The following IMPG1 variants were observed in gnomAD, a reference collection of about 807,000 sequenced individuals.
IMPG1 encodes interphotoreceptor matrix proteoglycan of 150 kDa.
In IMPG1, 85 loss-of-function variants were observed where a neutral mutation model predicts 92.0. The ratio of observed to expected loss-of-function variants is 0.92; its 90% CI spans 0.78 to 1.11. The LOEUF is 1.11. Ranked by LOEUF, IMPG1 falls within the 50% of genes least tolerant of loss-of-function variation. The probability of loss-of-function intolerance (pLI) is 0.00; values close to 1 mark genes in which losing one functional copy is unlikely to be tolerated. For synonymous variants in IMPG1, 367 were observed against 334.1 expected (o/e 1.10, Z -1.08); for missense variants, 1,022 against 956.0 (o/e 1.07, Z -0.91).
At chr6:75,934,659 T>G (rs1044819202) in intron 14 of IMPG1, among the ~76,000 whole-genome samples, 5 of 152,164 alleles carry the variant, frequency 3.3e-5, no homozygotes, top group Non-Finnish European at 7.3e-5. Flanking sequence ...GACTGCCTCT[T>G]TTTCAAGCCT....
chr6:75,952,789 T>A (rs1582063634), intron 12 of IMPG1, among the ~76,000 whole-genome samples: 1 of 152,086 alleles, frequency 6.6e-6, no homozygotes, highest in East Asian at 1.9e-4. Flanking sequence ...AGAGAGATGA[T>A]CTCTCTTTCT....
chr6:75,955,617 C>A (rs1782106286), intron 12 of IMPG1, among the ~76,000 whole-genome samples: 1 of 152,126 alleles, frequency 6.6e-6, no homozygotes, highest in African/African-American at 2.4e-5. Context: ...ATTGCCCTGG[C>A]CAGAACTTCC....
chr6:75,999,221 A>G (rs1782947107), intron 12 of IMPG1, among the ~76,000 whole-genome samples: 1 of 150,732 alleles, frequency 6.6e-6, no homozygotes. Context: ...CAGCTACTAC[A>G]AAAAAACAGT....
intron 14 of IMPG1, among the ~76,000 whole-genome samples, chr6:75,946,734 T>C (rs1403421820): frequency 6.6e-6 from 1 of 152,248 alleles, no homozygotes; most frequent in Non-Finnish European, 1.5e-5. Flanking sequence ...ACATGGAAGC[T>C]GATCTGTAGT....
intron 12 of IMPG1, among the ~76,000 whole-genome samples, chr6:75,956,718 TG>T (rs1210677985): frequency 1.3e-5 from 2 of 152,184 alleles, no homozygotes; most frequent in Admixed American, 1.3e-4. Flanking sequence ...TCACTTTCTT[TG>T]GTGGGCATTT....
At chr6:76,001,445 C>T (rs1004035209) in intron 12 of IMPG1, among the ~76,000 whole-genome samples, 1 of 152,176 alleles carries the variant, frequency 6.6e-6, no homozygotes, top group Admixed American at 6.5e-5. Flanking sequence ...TCTATGTCCC[C>T]TCCCTTTGAA....
Position 76,034,616 on chromosome 6 carries a change from C to T in IMPG1, c.468+5G>A, listed in dbSNP as rs1783703948. The T allele has an allele frequency of 1.2e-6, 2 of 1,613,812 alleles. No individual in the cohort carries two copies. The highest frequency in any genetic ancestry group is 1.3e-5 in the African/African-American group (1 of 74,928). ...TCCAAATAACCATGTGGTGTTTAGG[C>T]TCACCTGCTGGAGAAGATCCAGGTG... On this transcript the variant is annotated splice_donor_5th_base_variant and intron_variant, in intron 3 of 16. Coordinates refer to ENST00000369950, the MANE Select transcript of IMPG1 (RefSeq NM_001563.4).
intron 14 of IMPG1, 25 bp from the exon 15 acceptor site, chr6:75,931,176 A>T: frequency 6.3e-7 from 1 of 1,590,800 alleles, no homozygotes; most frequent in South Asian, 1.1e-5. Context: ...GCAGATTTTA[A>T]CGCATGTATG....
rs777997408 is a variant in IMPG1 at position 76,018,877 on chromosome 6, A to G, written c.667-19T>C. ...CTCTTTCCTGAGTTTAAAAAAAAAA[A>G]AAAGGACTTCTGTTAACCTAAACCA... is the stretch of plus-strand genomic sequence containing the variant. On this transcript the variant is annotated intron_variant, in intron 6 of 16. Coordinates refer to ENST00000369950, the MANE Select transcript of IMPG1 (RefSeq NM_001563.4). 1.3e-6 allele frequency: 2 copies of G among 1,567,720 alleles called. No homozygotes were observed. Among genetic ancestry groups the G allele is most frequent in the African/African-American group, 1.4e-5 (1 of 72,454 alleles).
rs966422329 is a variant in IMPG1, at chr6:76,070,338, G to C, written c.67+2084C>G. On this transcript the variant is annotated intron_variant, in intron 1 of 16. Transcript: ENST00000369950. ...AAAGTCAGAAAATAACAGATGTGGA[G>C]AACAGTAAATGCTTATGCACTGTTG... Among the ~76,000 whole-genome samples, 7 of 152,206 alleles carry C rather than the reference G, an allele frequency of 4.6e-5. No individual in the cohort carries two copies. In the South Asian group the frequency reaches 8.3e-4, roughly 18 times the overall value.
chr6:75,975,337 A>G (rs959483604), intron 12 of IMPG1, among the ~76,000 whole-genome samples: 7 of 152,248 alleles, frequency 4.6e-5, no homozygotes, highest in Non-Finnish European at 1.0e-4. Flanking sequence ...TGATCAGGAC[A>G]TATCTCTGAT....
At chr6:76,014,036 C>A (rs766201572) in intron 7 of IMPG1, among the ~76,000 whole-genome samples, 1 of 152,128 alleles carries the variant, frequency 6.6e-6, no homozygotes, top group African/African-American at 2.4e-5. Context: ...GCTCTTTGTA[C>A]GGGATGGGGT....
chr6:76,065,515 A>G (rs1784294979), intron 1 of IMPG1, among the ~76,000 whole-genome samples: 1 of 152,158 alleles, frequency 6.6e-6, no homozygotes, highest in Non-Finnish European at 1.5e-5. Context: ...CAGATTTTTG[A>G]ATTAACCCAG....
At chr6:75,945,358 C>CT (rs71678760) in intron 14 of IMPG1, among the ~76,000 whole-genome samples, 1,903 of 122,654 alleles carry the variant, frequency 0.016, 28 homozygotes, top group African/African-American at 0.043. Flanking sequence ...TTTTTTTTTT[C>CT]TTTTTTTTTT....
intron 15 of IMPG1, among the ~76,000 whole-genome samples, chr6:75,926,728 CAAA>C (rs60208319): frequency 6.6e-6 from 1 of 151,588 alleles, no homozygotes; most frequent in Non-Finnish European, 1.5e-5. Flanking sequence ...CTGATTACAC[CAAA>C]AAAAGGAAGT....
At chr6:76,040,881 T>C (rs1253901307) in intron 2 of IMPG1, among the ~76,000 whole-genome samples, 2 of 152,174 alleles carry the variant, frequency 1.3e-5, no homozygotes, top group African/African-American at 2.4e-5. Flanking sequence ...TATTGTGAAA[T>C]GGGTACTCAG....
rs1197088278 is a variant in IMPG1 at position 75,924,615 on chromosome 6, A to T, written c.2244-909T>A. Among the ~76,000 whole-genome samples, 13 of 25,206 alleles carry T rather than the reference A, an allele frequency of 5.2e-4. 1 individual carries two copies. Among genetic ancestry groups the T allele is most frequent in the Admixed American group, 1.8e-3 (2 of 1,086 alleles). 16.5% of individuals were successfully genotyped at this position (25,206 alleles called of 152,430 possible). On this transcript the variant is annotated intron_variant, in intron 15 of 16. Transcript: ENST00000369950. ...ATATTATATATAATTAATTATATATAATATATAATAAATTATATATTATAT... is the reference window on the plus strand; with the variant it reads ...ATATTATATATAATTAATTATATATTATATATAATAAATTATATATTATAT...
intron 9 of IMPG1, 125 bp downstream of exon 9, chr6:76,007,355 G>T: frequency 1.6e-6 from 1 of 640,814 alleles, no homozygotes; most frequent in Non-Finnish European, 2.6e-6. Context: ...ATTTAAATAA[G>T]AAACCATCAA....
At chr6:76,069,308 G>A (rs1441640692) in intron 1 of IMPG1, among the ~76,000 whole-genome samples, 2 of 152,080 alleles carry the variant, frequency 1.3e-5, no homozygotes, top group East Asian at 1.9e-4. Context: ...CTGGACATTA[G>A]CCTACACAAA....
Sources: gnomAD v4.1 joint callset for allele counts (sites outside exome capture counted in the v4.1 genomes callset) on GRCh38, gnomAD v4.1.1 for gene constraint, MANE v1.5 for transcripts, NCBI Gene and HGNC (gene_info 2026-07-23, HGNC 2026-07-21) for gene names.